Variants in NOVA1 observed in about 807,000 individuals in gnomAD.
NOVA1 encodes the protein RNA-binding protein Nova-1.
In NOVA1, 7 loss-of-function variants were observed where a neutral mutation model predicts 38.0. That is an observed-to-expected ratio of 0.18 (90% CI 0.10 to 0.35). NOVA1 has a LOEUF of 0.35. Ranked by LOEUF, NOVA1 falls within the 10% of genes least tolerant of loss-of-function variation. The probability of loss-of-function intolerance (pLI) is 1.00; values close to 1 mark genes in which losing one functional copy is unlikely to be tolerated. For synonymous variants in NOVA1, 270 were observed against 232.5 expected (o/e 1.16, Z -1.47); for missense variants, 460 against 616.0 (o/e 0.75, Z 2.68).
chr14:26,581,183 T>C (rs564248469), intron 2 of NOVA1, among the ~76,000 whole-genome samples: 34 of 152,224 alleles, frequency 2.2e-4, no homozygotes, highest in African/African-American at 7.5e-4. Flanking sequence ...ACATGTTCTC[T>C]AGAAGTCTTG....
intron 4 of NOVA1, among the ~76,000 whole-genome samples, chr14:26,467,467 T>C: frequency 6.6e-6 from 1 of 152,116 alleles, no homozygotes; most frequent in Admixed American, 6.5e-5. Context: ...GTAGAGATAA[T>C]ACTTTGTAAG....
chr14:26,460,853 A>G (rs1405751453), intron 4 of NOVA1, among the ~76,000 whole-genome samples: 4 of 152,184 alleles, frequency 2.6e-5, no homozygotes, highest in Non-Finnish European at 5.9e-5. Flanking sequence ...AATAAACTTG[A>G]TAACTATCCA....
chr14:26,489,826 ACT>A (rs1370932626), intron 2 of NOVA1, among the ~76,000 whole-genome samples: 3 of 152,088 alleles, frequency 2.0e-5, no homozygotes, highest in African/African-American at 7.2e-5. Context: ...ACAGAGTGAT[ACT>A]CTGTCTCAAT....
At chr14:26,453,161 C>T (rs952495190) in intron 4 of NOVA1, among the ~76,000 whole-genome samples, 1 of 145,498 alleles carries the variant, frequency 6.9e-6, no homozygotes, top group Non-Finnish European at 1.5e-5. Flanking sequence ...TGAACTGCTT[C>T]AATTATGTAT....
At chr14:26,590,350 T>C (rs756989736) in intron 2 of NOVA1, among the ~76,000 whole-genome samples, 21 of 151,858 alleles carry the variant, frequency 1.4e-4, no homozygotes, top group Admixed American at 5.9e-4. Context: ...CAGTTTTATT[T>C]TGAAAAGCAG....
At position 26,545,857 on chromosome 14, in the gene NOVA1, T is replaced by C. The variant is rs570259218; in HGVS notation, c.280+49553A>G. Among the ~76,000 whole-genome samples, 11 of 152,184 alleles carry C rather than the reference T, an allele frequency of 7.2e-5. No homozygotes were observed. The South Asian group carries it at 1.9e-3, about 26-fold the overall frequency. ...CACACACATTTACCCACAAGACATA[T>C]AGAAATTTCAGAATTACAGAAAAAT... On this transcript the variant is annotated intron_variant, in intron 2 of 4. Transcript: ENST00000539517.
At chr14:26,496,915 AGTCAGGTAGCGT>A (rs1390173361) in intron 2 of NOVA1, among the ~76,000 whole-genome samples, 10 of 152,168 alleles carry the variant, frequency 6.6e-5, no homozygotes, top group Non-Finnish European at 1.3e-4. Context: ...TATAGTTTAA[AGTCAGGTAGCGT>A]GATGCCTCCA....
intron 4 of NOVA1, chr14:26,470,175 T>C: frequency 1.1e-6 from 1 of 875,556 alleles, no homozygotes; most frequent in South Asian, 3.3e-5. Context: ...ATTAGTTCTT[T>C]TCATTACAAT....
chr14:26,519,556 T>C (rs915308888), intron 2 of NOVA1: 6 of 152,148 alleles, frequency 3.9e-5, no homozygotes, highest in African/African-American at 1.4e-4. Context: ...TGTTAACACC[T>C]ATGCAAAAGA....
At chr14:26,523,969 C>T (rs532190463) in intron 2 of NOVA1, among the ~76,000 whole-genome samples, 31 of 151,944 alleles carry the variant, frequency 2.0e-4, no homozygotes, top group South Asian at 1.7e-3. Context: ...GCCGGGATGG[C>T]CTCGATCTCC....
At chr14:26,457,251 GCTA>G (rs1218206033) in intron 4 of NOVA1, among the ~76,000 whole-genome samples, 1 of 152,058 alleles carries the variant, frequency 6.6e-6, no homozygotes, top group African/African-American at 2.4e-5. Flanking sequence ...TTATTGAGTG[GCTA>G]CTACGTGCCA....
chr14:26,539,976 T>A (rs980033112), intron 2 of NOVA1, among the ~76,000 whole-genome samples: 12 of 152,168 alleles, frequency 7.9e-5, no homozygotes, highest in Admixed American at 7.9e-4. Flanking sequence ...CTAGCATAAA[T>A]CAGATCCACC....
chr14:26,468,892 T>G (rs1187369644), intron 4 of NOVA1, among the ~76,000 whole-genome samples: 1 of 152,134 alleles, frequency 6.6e-6, no homozygotes, highest in Non-Finnish European at 1.5e-5. Flanking sequence ...TCAGAAAAAT[T>G]CCAGGAGAGC....
intron 2 of NOVA1, among the ~76,000 whole-genome samples, chr14:26,553,111 GT>G (rs1404746680): frequency 2.0e-5 from 3 of 152,302 alleles, no homozygotes; most frequent in African/African-American, 7.2e-5. Flanking sequence ...GAACTTCACT[GT>G]AGCTAGGAAG....
At chr14:26,454,176 A>G (rs529690385) in intron 4 of NOVA1, among the ~76,000 whole-genome samples, 1 of 152,292 alleles carries the variant, frequency 6.6e-6, no homozygotes, top group South Asian at 2.1e-4. Context: ...AGAAAAAAAA[A>G]ACAGAAAAGT....
At chr14:26,470,451 C>A in intron 4 of NOVA1, 1 of 1,560,934 alleles carries the variant, frequency 6.4e-7, no homozygotes, top group South Asian at 1.1e-5. Flanking sequence ...TTGTTCTTCT[C>A]TTATATCTTG....
Position 26,448,557 on chromosome 14 carries a change from C to T in NOVA1, c.926G>A (p.Gly309Asp). ...AFPAVLSGFT[G>D]NDLVAITSAL... ...AGAGGTGATGGCCACCAGGTCATTG[C>T]CTGTGAAGCCAGATAAAACTGCTGG... The change falls in exon 5 of 5, where the codon GGC (glycine) becomes GAC (aspartate). Residue 309 changes from glycine to aspartate, a missense_variant. Gly to Asp is a moderately conservative substitution (Grantham distance 94). Coordinates refer to ENST00000539517, the MANE Select transcript of NOVA1 (RefSeq NM_002515.3). This position sits in a 1 kb window ranked among gnomAD's most constrained non-coding sequence, Gnocchi z 5.3. 6.2e-7 allele frequency: 1 copy of T among 1,614,150 alleles called. No homozygotes were observed. The highest frequency in any genetic ancestry group is 8.5e-7 in the Non-Finnish European group (1 of 1,180,026).
intron 2 of NOVA1, among the ~76,000 whole-genome samples, chr14:26,483,182 A>C (rs1286422998): frequency 6.6e-6 from 1 of 152,156 alleles, no homozygotes; most frequent in Non-Finnish European, 1.5e-5. Flanking sequence ...TTTAATAGAA[A>C]AGTTTTCACA....
At chr14:26,579,053 CTTTT>C (rs869075814) in intron 2 of NOVA1, among the ~76,000 whole-genome samples, 3 of 80,074 alleles carry the variant, frequency 3.7e-5, no homozygotes, top group East Asian at 4.5e-4. Flanking sequence ...AGGTGGTATT[CTTTT>C]TTTTTTTTTT....
Sources: gnomAD v4.1 joint callset for allele counts (sites outside exome capture counted in the v4.1 genomes callset) on GRCh38, gnomAD v4.1.1 for gene constraint, Gnocchi (gnomAD v3.1) non-coding constraint, MANE v1.5 for transcripts, NCBI Gene and HGNC (gene_info 2026-07-23, HGNC 2026-07-21) for gene names.